PILRA: variants seen among roughly 807,000 people sequenced by gnomAD.
PILRA encodes paired immunoglobin like type 2 receptor alpha, also known as paired immunoglobulin-like type 2 receptor alpha.
In PILRA, 37 loss-of-function variants were observed where a neutral mutation model predicts 33.1. The observed-to-expected ratio is 1.12, with a 90% CI of 0.86 to 1.47. The LOEUF (loss-of-function observed/expected upper bound fraction) is 1.47, where lower values mean the gene tolerates loss of function less well. Ranked by LOEUF, PILRA falls within the 40% of genes most tolerant of loss-of-function variation. The pLI, the probability that PILRA is intolerant of heterozygous loss-of-function variation, is 0.00. For missense variants in PILRA, 312 were observed against 376.2 expected, an observed-to-expected ratio of 0.83 and a Z score of 1.41; for synonymous variants, 146 against 149.9, an observed-to-expected ratio of 0.97 and a Z score of 0.19.
upstream of PILRA, chr7:100,373,402 G>C: frequency 1.7e-6 from 1 of 580,664 alleles, no homozygotes. Flanking sequence ...GCGGCCTTTG[G>C]GCAGGGCTGA....
At chr7:100,378,283 T>C (rs186357562) in intron 2 of PILRA, among the ~76,000 whole-genome samples, 1 of 151,200 alleles carries the variant, frequency 6.6e-6, no homozygotes, top group East Asian at 1.9e-4. Flanking sequence ...GGCCAGGAGG[T>C]TGGGGCTGCA....
chr7:100,394,691 C>T (rs1346535723), intron 3 of PILRA, among the ~76,000 whole-genome samples: 1 of 151,582 alleles, frequency 6.6e-6, no homozygotes, highest in African/African-American at 2.4e-5. Flanking sequence ...AACCCTTGCG[C>T]ATATGGTCAA....
chr7:100,397,864 T>C lies in PILRA; in HGVS notation c.674-15T>C, dbSNP rs1791531907. On this transcript the variant is annotated splice_polypyrimidine_tract_variant and intron_variant, in intron 3 of 6. Coordinates refer to ENST00000198536, the MANE Select transcript of PILRA (RefSeq NM_013439.3). ...ACCCGGATGCCACCCTGACTCACTG[T>C]TGGTCCCCCTACAGGTCAGCAGCGG... 8.7e-6 allele frequency: 14 copies of C among 1,613,278 alleles called. No homozygotes were observed. The highest frequency in any genetic ancestry group is 1.2e-5 in the Non-Finnish European group (14 of 1,179,814).
chr7:100,389,641 G>A (rs1791336526), intron 2 of PILRA, among the ~76,000 whole-genome samples: 1 of 149,830 alleles, frequency 6.7e-6, no homozygotes, highest in Non-Finnish European at 1.5e-5. Context: ...AGGGAGGGAG[G>A]GAGAGAGGAA....
chr7:100,382,497 G>A (rs1168834482), intron 2 of PILRA, among the ~76,000 whole-genome samples: 1 of 152,182 alleles, frequency 6.6e-6, no homozygotes, highest in African/African-American at 2.4e-5. Flanking sequence ...GGGACTTGGA[G>A]AACTTTTGTG....
At chr7:100,382,481 T>C (rs2108269) in intron 2 of PILRA, among the ~76,000 whole-genome samples, 31,415 of 151,976 alleles carry the variant, frequency 0.21, 3,560 homozygotes, top group African/African-American at 0.29. Context: ...TCTAGCTAAT[T>C]TAGTGGGGAC....
chr7:100,398,622 G>A (rs770400749), intron 4 of PILRA, among the ~76,000 whole-genome samples: 3 of 152,160 alleles, frequency 2.0e-5, no homozygotes, highest in Non-Finnish European at 4.4e-5. Flanking sequence ...TCCCTGATCA[G>A]AAGACCTGAA....
chr7:100,382,209 G>A (rs1339434529), intron 2 of PILRA, among the ~76,000 whole-genome samples: 1 of 152,224 alleles, frequency 6.6e-6, no homozygotes, highest in Non-Finnish European at 1.5e-5. Context: ...GTCTAGTGGG[G>A]ACTTGGAGAA....
chr7:100,392,225 C>T (rs983991258), intron 3 of PILRA, among the ~76,000 whole-genome samples: 1 of 152,184 alleles, frequency 6.6e-6, no homozygotes, highest in Admixed American at 6.5e-5. Flanking sequence ...GGAAGAATTG[C>T]TTGAGCTTGG....
intron 2 of PILRA, among the ~76,000 whole-genome samples, chr7:100,383,348 C>T (rs1791163547): frequency 6.6e-6 from 1 of 152,148 alleles, no homozygotes; most frequent in Non-Finnish European, 1.5e-5. Context: ...AGGCCAGCTC[C>T]AAAGGCACAA....
chr7:100,396,801 G>A (rs1791502298), intron 3 of PILRA, among the ~76,000 whole-genome samples: 2 of 152,204 alleles, frequency 1.3e-5, no homozygotes, highest in South Asian at 4.1e-4. Flanking sequence ...TAAATTAATA[G>A]GAACAGAAAG....
At chr7:100,396,496 T>C (rs1222652869) in intron 3 of PILRA, among the ~76,000 whole-genome samples, 1 of 151,820 alleles carries the variant, frequency 6.6e-6, no homozygotes, top group Non-Finnish European at 1.5e-5. Flanking sequence ...CTACTAAAAA[T>C]ACAAAATTAC....
At chr7:100,391,796 A>G (rs1791395655) in intron 3 of PILRA, among the ~76,000 whole-genome samples, 1 of 152,210 alleles carries the variant, frequency 6.6e-6, no homozygotes, top group South Asian at 2.1e-4. Flanking sequence ...CACCAAGTAC[A>G]ATGGGGAAGA....
Position 100,389,982 on chromosome 7 carries a change from C to A in PILRA, c.549C>A (p.Gly183=). The A allele has an allele frequency of 6.2e-7, 1 of 1,614,070 alleles. No individual in the cohort carries two copies. The highest frequency in any genetic ancestry group is 8.5e-7 in the Non-Finnish European group (1 of 1,179,996). ...CAACCGGCCTCAGGGTCACACAGGG[C>A]AAACGACGCTCAGACTCTTGGCACA... The part of the protein sequence containing the change: ...TTTTGLRVTQ[G]KRRSDSWHIS... The change falls in exon 3 of 7, where the codon GGC becomes GGA. Residue 183 remains glycine (G), a synonymous_variant. Transcript: ENST00000198536.
At chr7:100,376,522 A>C (rs1790953079) in intron 2 of PILRA, 1 of 136,456 alleles carries the variant, frequency 7.3e-6, no homozygotes, top group Non-Finnish European at 1.5e-5. Flanking sequence ...TCTCTCTGTC[A>C]CCCAGGCTGG....
At chr7:100,373,942 C>T (rs145101042) in intron 1 of PILRA, 102 bp from the exon 2 acceptor site, 49 of 1,460,734 alleles carry the variant, frequency 3.4e-5, no homozygotes, top group African/African-American at 9.8e-5. Flanking sequence ...ACCTGTCACA[C>T]GACTGCCTGT....
intron 3 of PILRA, among the ~76,000 whole-genome samples, chr7:100,395,844 G>C (rs1006779525): frequency 2.6e-5 from 4 of 152,120 alleles, no homozygotes; most frequent in Non-Finnish European, 5.9e-5. Flanking sequence ...TAAAAATAAA[G>C]GCCAGGAGTG....
intron 2 of PILRA, among the ~76,000 whole-genome samples, chr7:100,375,566 T>C (rs1790924527): frequency 1.3e-5 from 2 of 152,180 alleles, no homozygotes; most frequent in Non-Finnish European, 2.9e-5. Flanking sequence ...ACCCCGTCTC[T>C]ACTAAACATA....
At chr7:100,381,332 G>A (rs566882482) in intron 2 of PILRA, among the ~76,000 whole-genome samples, 20 of 151,238 alleles carry the variant, frequency 1.3e-4, no homozygotes, top group African/African-American at 4.6e-4. Flanking sequence ...TGTAGTTCCA[G>A]CTACTCAGGA....
Sources: allele counts gnomAD v4.1 joint callset (sites outside exome capture counted in the v4.1 genomes callset), GRCh38; gene constraint gnomAD v4.1.1; transcripts MANE v1.5; gene names NCBI Gene and HGNC (gene_info 2026-07-23, HGNC 2026-07-21).